Variants in TENM2 observed in about 807,000 individuals in gnomAD.
TENM2 encodes the protein teneurin transmembrane protein 2.
In TENM2, 52 loss-of-function variants were observed where a neutral mutation model predicts 245.2. The ratio of observed to expected loss-of-function variants is 0.21; its 90% CI spans 0.17 to 0.27. The LOEUF (loss-of-function observed/expected upper bound fraction) is 0.27. TENM2 is among the 10% of genes least tolerant of loss of function. TENM2 has a pLI of 1.00. For synonymous variants in TENM2, 1,363 were observed against 1,438.9 expected (o/e 0.95, Z 1.19); for missense variants, 3,046 against 3,666.8 (o/e 0.83, Z 4.37).
At chr5:167,854,572 G>A (rs1264655753) in intron 2 of TENM2, among the ~76,000 whole-genome samples, 2 of 152,150 alleles carry the variant, frequency 1.3e-5, no homozygotes, top group Non-Finnish European at 2.9e-5. Context: ...ATTGCTGGAG[G>A]TAAAATTGTG....
intron 2 of TENM2, among the ~76,000 whole-genome samples, chr5:167,575,660 C>T (rs570004410): frequency 2.6e-5 from 4 of 152,194 alleles, no homozygotes; most frequent in African/African-American, 9.6e-5. Context: ...GGTGGAAGTT[C>T]CCTGGGAAGC....
chr5:168,088,498 G>A (rs17069814), intron 7 of TENM2, among the ~76,000 whole-genome samples: 12,841 of 152,136 alleles, frequency 0.084, 647 homozygotes, highest in East Asian at 0.19. Flanking sequence ...CGTCACCAGC[G>A]CCCCACGTGT....
chr5:167,967,310 A>T (rs1781454383), intron 4 of TENM2, among the ~76,000 whole-genome samples: 1 of 152,220 alleles, frequency 6.6e-6, no homozygotes, highest in South Asian at 2.1e-4. Context: ...AGTCTAATCC[A>T]CTGCTCTGTA....
intron 2 of TENM2, among the ~76,000 whole-genome samples, chr5:167,476,619 T>A (rs936582771): frequency 6.6e-6 from 1 of 152,116 alleles, no homozygotes; most frequent in African/African-American, 2.4e-5. Flanking sequence ...TGTTTTGAGG[T>A]GGAGTTTCAC....
At chr5:167,786,217 A>G (rs888114332) in intron 2 of TENM2, among the ~76,000 whole-genome samples, 4 of 152,162 alleles carry the variant, frequency 2.6e-5, no homozygotes, top group Admixed American at 2.0e-4. Context: ...GCTATTGTTT[A>G]CACTATTAGA....
chr5:167,118,984 T>A, the TENM2 span, among the ~76,000 whole-genome samples: 1 of 152,172 alleles, frequency 6.6e-6, no homozygotes, highest in Non-Finnish European at 1.5e-5. Flanking sequence ...ATCAGAGGAT[T>A]CAACCAGGGA....
intron 2 of TENM2, among the ~76,000 whole-genome samples, chr5:167,719,744 G>T (rs1483369265): frequency 6.6e-6 from 1 of 152,212 alleles, no homozygotes; most frequent in Non-Finnish European, 1.5e-5. Flanking sequence ...AAGGAATGTT[G>T]CCCTGTCTGG....
the TENM2 span, among the ~76,000 whole-genome samples, chr5:167,186,009 C>A: frequency 4.1e-3 from 623 of 152,244 alleles, 4 homozygotes; most frequent in African/African-American, 0.014. Flanking sequence ...ACTGATGATA[C>A]CTGGCTTTTT....
chr5:168,253,672 G>C (rs564698495), intron 27 of TENM2, among the ~76,000 whole-genome samples: 1 of 151,950 alleles, frequency 6.6e-6, no homozygotes. Flanking sequence ...TGATTCGCCC[G>C]CCTCGGCCTC....
intron 2 of TENM2, among the ~76,000 whole-genome samples, chr5:167,686,280 T>C (rs1757069713): frequency 6.6e-6 from 1 of 152,220 alleles, no homozygotes; most frequent in Non-Finnish European, 1.5e-5. Flanking sequence ...GTGGAGCCTA[T>C]GACTTTTCCT....
chr5:167,947,185 G>A (rs1779696219), intron 3 of TENM2, among the ~76,000 whole-genome samples: 1 of 152,010 alleles, frequency 6.6e-6, no homozygotes, highest in South Asian at 2.1e-4. Flanking sequence ...GGAAAAGTTG[G>A]GCCCACAGTG....
intron 3 of TENM2, among the ~76,000 whole-genome samples, chr5:167,896,882 G>A (rs148326747): frequency 2.6e-5 from 4 of 152,302 alleles, no homozygotes; most frequent in African/African-American, 7.2e-5. Flanking sequence ...TTAGAATCAC[G>A]CTTGCTTTTT....
chr5:167,723,363 A>C (rs902583785), intron 2 of TENM2, among the ~76,000 whole-genome samples: 3 of 152,066 alleles, frequency 2.0e-5, no homozygotes, highest in African/African-American at 7.2e-5. Flanking sequence ...TGTTTCTGGA[A>C]TGTACCGAAT....
chr5:167,315,955 C>T (rs1240959242), intron 1 of TENM2, among the ~76,000 whole-genome samples: 2 of 152,182 alleles, frequency 1.3e-5, no homozygotes, highest in African/African-American at 4.8e-5. Context: ...TTGCATTTCA[C>T]TGTTTCTGCC....
intron 1 of TENM2, among the ~76,000 whole-genome samples, chr5:167,352,965 C>G (rs1396073708): frequency 6.6e-6 from 1 of 152,168 alleles, no homozygotes; most frequent in Non-Finnish European, 1.5e-5. Flanking sequence ...TGACTCATTA[C>G]GTCAATCAAA....
upstream of TENM2, among the ~76,000 whole-genome samples, chr5:167,284,240 G>A (rs544476828): frequency 9.3e-5 from 14 of 150,574 alleles, no homozygotes; most frequent in South Asian, 2.6e-3. Flanking sequence ...GCTAGGAAAT[G>A]TTATGTTAGT....
Position 168,228,812 on chromosome 5 carries a change from C to T in TENM2, c.5520+682C>T, listed in dbSNP as rs897186286. Among the ~76,000 whole-genome samples the T allele has an allele frequency of 7.9e-5, 12 of 151,114 alleles. 1 individual carries two copies. The highest frequency in any genetic ancestry group is 2.4e-4 in the African/African-American group (10 of 41,264). ...TCGTTTTCCCAGACCAGGCAACTTGCCCCACGTGACATCTTTTTAAAACCA... is the reference window on the plus strand; with the variant it reads ...TCGTTTTCCCAGACCAGGCAACTTGTCCCACGTGACATCTTTTTAAAACCA... On this transcript the variant is annotated intron_variant, in intron 25 of 28. Transcript: ENST00000518659.
chr5:168,245,179 A>G (rs1314297711), intron 26 of TENM2, among the ~76,000 whole-genome samples: 1 of 136,148 alleles, frequency 7.3e-6, no homozygotes. Context: ...CAGAGGGAAG[A>G]AAATCTGAAG....
chr5:167,753,205 A>C (rs1762072988), intron 2 of TENM2, among the ~76,000 whole-genome samples: 1 of 152,280 alleles, frequency 6.6e-6, no homozygotes, highest in Admixed American at 6.5e-5. Context: ...ATGAAGAAAA[A>C]CCCAGGAAGA....
Sources: allele counts gnomAD v4.1 joint callset (sites outside exome capture counted in the v4.1 genomes callset), GRCh38; gene constraint gnomAD v4.1.1; transcripts MANE v1.5; gene names NCBI Gene and HGNC (gene_info 2026-07-23, HGNC 2026-07-21).